ATP6V0A4: variants seen among roughly 807,000 people sequenced by gnomAD.
ATP6V0A4 encodes the protein ATPase H+ transporting V0 subunit a4, also known as V-type proton ATPase 116 kDa subunit a 4.
In ATP6V0A4, 86 loss-of-function variants were observed where a neutral mutation model predicts 107.3. The observed-to-expected ratio is 0.80, with a 90% CI of 0.67 to 0.96. The LOEUF is 0.96. Among genes scored for constraint, ATP6V0A4 ranks in the 40% least tolerant of loss-of-function variants. The pLI is 0.00. For missense variants in ATP6V0A4, 908 were observed against 1,045.6 expected, an observed-to-expected ratio of 0.87 and a Z score of 1.81; for synonymous variants, 353 against 381.4, an observed-to-expected ratio of 0.93 and a Z score of 0.87.
chr7:138,722,835 G>A (rs1804496650), intron 18 of ATP6V0A4, among the ~76,000 whole-genome samples: 2 of 150,700 alleles, frequency 1.3e-5, no homozygotes, highest in Non-Finnish European at 2.9e-5. Flanking sequence ...AAGTTGAGAG[G>A]ATTGCCTGAG....
chr7:138,708,328 G>A (rs912784995), intron 21 of ATP6V0A4, among the ~76,000 whole-genome samples: 3 of 152,176 alleles, frequency 2.0e-5, no homozygotes, highest in Non-Finnish European at 4.4e-5. Context: ...TTACAGGCAT[G>A]AGCCACCGTG....
intron 17 of ATP6V0A4, among the ~76,000 whole-genome samples, chr7:138,731,132 A>T (rs1340863752): frequency 6.6e-6 from 1 of 151,976 alleles, no homozygotes; most frequent in Non-Finnish European, 1.5e-5. Context: ...ATGGTGTTTC[A>T]CCATGTTGGG....
chr7:138,707,196 T>TATAATATATTA, intron 21 of ATP6V0A4, among the ~76,000 whole-genome samples: 1 of 59,664 alleles, frequency 1.7e-5, no homozygotes, highest in Non-Finnish European at 2.9e-5. Context: ...ATTATATATA[T>TATAATATATTA]TATATAATAT....
chr7:138,790,603 G>T (rs751815829), intron 1 of ATP6V0A4, among the ~76,000 whole-genome samples: 1 of 152,028 alleles, frequency 6.6e-6, no homozygotes, highest in Non-Finnish European at 1.5e-5. Flanking sequence ...TCCCAAAAAC[G>T]GTTTTAATAG....
intron 1 of ATP6V0A4, among the ~76,000 whole-genome samples, chr7:138,788,135 T>C (rs774102763): frequency 9.2e-5 from 14 of 152,212 alleles, no homozygotes; most frequent in Admixed American, 2.0e-4. Context: ...TCTGGTTCGC[T>C]TCGGTTTTAT....
At chr7:138,742,531 G>T in intron 14 of ATP6V0A4, among the ~76,000 whole-genome samples, 1 of 152,284 alleles carries the variant, frequency 6.6e-6, no homozygotes, top group East Asian at 1.9e-4. Flanking sequence ...TTGTTTGTTT[G>T]TTTGTTTGTT....
intron 13 of ATP6V0A4, among the ~76,000 whole-genome samples, chr7:138,745,943 CA>C (rs1185253786): frequency 0.018 from 1,296 of 72,250 alleles, 16 homozygotes; most frequent in African/African-American, 0.047. Flanking sequence ...GACTCTGTCT[CA>C]AAAAAAAAAA....
At chr7:138,747,878 T>C (rs1429473790) in intron 12 of ATP6V0A4, among the ~76,000 whole-genome samples, 2 of 151,924 alleles carry the variant, frequency 1.3e-5, no homozygotes, top group East Asian at 1.9e-4. Context: ...CCTCAGCCTC[T>C]TGAGTAGCTG....
At chr7:138,718,044 G>A (rs75730074) in intron 19 of ATP6V0A4, among the ~76,000 whole-genome samples, 6,852 of 8,520 alleles carry the variant, frequency 0.8, 3,114 homozygotes, top group South Asian at 0.83. Flanking sequence ...CCAGGAAGGA[G>A]TGGGGGGGTA....
At chr7:138,775,107 T>C (rs929526626) in intron 2 of ATP6V0A4, among the ~76,000 whole-genome samples, 7 of 152,088 alleles carry the variant, frequency 4.6e-5, no homozygotes, top group African/African-American at 1.7e-4. Context: ...TCCCCACCAG[T>C]GGCCTTAGAA....
chr7:138,706,676 T>C lies in ATP6V0A4; in HGVS notation c.2471A>G (p.Lys824Arg), dbSNP rs141194465. Residue 824 changes from lysine (K) to arginine (R), a missense_variant, in exon 22 of 22, where the codon AAG becomes AGG. Physicochemically the swap from Lys to Arg is conservative, Grantham distance 26. Coordinates refer to ENST00000310018, the MANE Select transcript of ATP6V0A4 (RefSeq NM_020632.3). ...GTGTTTAAAGGAGAATGGAGAAAACTTGTAACCATCCCCGACATAGAACTT... is the reference window on the plus strand; with the variant it reads ...GTGTTTAAAGGAGAATGGAGAAAACCTGTAACCATCCCCGACATAGAACTT... ...QNKFYVGDGY[K>R]FSPFSFKHIL... 9.3e-6 allele frequency: 15 copies of C among 1,613,716 alleles called. No homozygotes were observed. The African/African-American group carries it at 1.3e-4, about 14-fold the overall frequency.
At chr7:138,782,651 A>G (rs1807975270) in intron 2 of ATP6V0A4, among the ~76,000 whole-genome samples, 1 of 152,172 alleles carries the variant, frequency 6.6e-6, no homozygotes, top group Non-Finnish European at 1.5e-5. Context: ...AGAATCATGG[A>G]GTGTTCATGA....
intron 2 of ATP6V0A4, among the ~76,000 whole-genome samples, chr7:138,778,764 G>C (rs991818062): frequency 1.3e-5 from 2 of 152,044 alleles, no homozygotes; most frequent in African/African-American, 4.8e-5. Context: ...TCCAGGCCGA[G>C]TGGGGAGTCT....
intron 2 of ATP6V0A4, among the ~76,000 whole-genome samples, chr7:138,776,714 G>T (rs774572493): frequency 8.5e-5 from 13 of 152,204 alleles, no homozygotes; most frequent in Non-Finnish European, 1.3e-4. Flanking sequence ...CGTACCTAAT[G>T]GTTAAGAGCA....
rs1046568501 is a variant in ATP6V0A4, at chr7:138,745,270, G to T, written c.1331C>A (p.Thr444Asn). The change falls in exon 14 of 22, where the codon ACC (threonine) becomes AAC (asparagine). Residue 444 changes from threonine to asparagine, a missense_variant. By Grantham distance (65) the Thr-to-Asn change is moderately conservative (BLOSUM62 0). Transcript: ENST00000310018. Reference protein sequence around the residue: ...SQKTDNEIWNTFFHGRYLILL... With the variant: ...SQKTDNEIWNNFFHGRYLILL... ...GATCAGATAGCGCCCGTGGAAGAAG[G>T]TGTTCCAAATCTGGCCTCAGAGAGA... 2 of 1,614,090 alleles carry T rather than the reference G, an allele frequency of 1.2e-6. No homozygotes were observed. The highest frequency in any genetic ancestry group is 1.7e-6 in the Non-Finnish European group (2 of 1,179,998).
In ATP6V0A4 at chr7:138,736,564, T is replaced by TTTTTTA. The variant is rs1238397587; in HGVS notation, c.1573-2316_1573-2311dup. ...AATCCTAGGAGTTAGGGCTGCTGTTTTTTTTATTTTTATTTTTATTTTTTT... is the reference window on the plus strand; with the variant it reads ...AATCCTAGGAGTTAGGGCTGCTGTTTTTTTTATTTTTATTTTTATTTTTATTTTTTT... On this transcript the variant is annotated intron_variant, in intron 15 of 21. Coordinates refer to ENST00000310018, the MANE Select transcript of ATP6V0A4 (RefSeq NM_020632.3). Among the ~76,000 whole-genome samples the TTTTTTA allele has an allele frequency of 7.2e-5, 11 of 152,210 alleles. No individual in the cohort carries two copies. The East Asian group carries it at 2.1e-3, about 29-fold the overall frequency.
chr7:138,721,260 C>T (rs938636196), intron 19 of ATP6V0A4, among the ~76,000 whole-genome samples: 2 of 152,120 alleles, frequency 1.3e-5, no homozygotes, highest in African/African-American at 4.8e-5. Context: ...CATAGGGGGC[C>T]AGGCACGGTG....
chr7:138,710,139 C>T (rs1187597810), intron 20 of ATP6V0A4, among the ~76,000 whole-genome samples: 2 of 152,030 alleles, frequency 1.3e-5, no homozygotes, highest in Non-Finnish European at 1.5e-5. Context: ...GATCCTCCCA[C>T]CTCAGCCTCC....
Position 138,752,757 on chromosome 7 carries a change from C to T in ATP6V0A4, c.897G>A (p.Val299=), listed in dbSNP as rs982792428. The change falls in exon 11 of 22, where the codon GTG becomes GTA. Residue 299 remains valine, a synonymous_variant. Transcript: ENST00000310018. ...AANWHSWLIK[V]QKMKAVYHIL... ...TGTGGTAGACAGCTTTCATCTTCTGCACCTTGATGAGCCAGGAGTGCCAGT... is the reference window on the plus strand; with the variant it reads ...TGTGGTAGACAGCTTTCATCTTCTGTACCTTGATGAGCCAGGAGTGCCAGT... 1.2e-6 allele frequency: 2 copies of T among 1,614,214 alleles called. No individual in the cohort carries two copies. The highest frequency in any genetic ancestry group is 1.7e-5 in the Admixed American group (1 of 60,028).
Sources: allele counts gnomAD v4.1 joint callset (sites outside exome capture counted in the v4.1 genomes callset), GRCh38; gene constraint gnomAD v4.1.1; transcripts MANE v1.5; gene names NCBI Gene and HGNC (gene_info 2026-07-23, HGNC 2026-07-21).